The following DMD variants were observed in gnomAD, a reference collection of about 807,000 sequenced individuals.
DMD encodes the protein dystrophin.
A neutral mutation model predicts 330.1 loss-of-function variants in DMD; 63 were observed. That is an observed-to-expected ratio of 0.19 (90% confidence interval 0.16 to 0.24). The LOEUF (loss-of-function observed/expected upper bound fraction) is 0.24. Among genes scored for constraint, DMD ranks in the 10% least tolerant of loss-of-function variants. DMD has a pLI of 1.00. For missense variants in DMD, 3,344 were observed against 2,684.1 expected (o/e 1.25, Z -5.43); for synonymous variants, 1,223 against 959.8 (o/e 1.27, Z -5.07).
intron 44 of DMD, among the ~76,000 whole-genome samples, chrX:32,215,410 T>A (rs1215978405): frequency 1.8e-5 from 2 of 111,142 alleles, no homozygotes; most frequent in Non-Finnish European, 3.8e-5. Flanking sequence ...ACAAATTGCT[T>A]CATCGTAAAA....
chrX:31,811,913 A>G (rs994859041), intron 50 of DMD, among the ~76,000 whole-genome samples: 5 of 111,665 alleles, frequency 4.5e-5, no homozygotes, highest in African/African-American at 1.6e-4. Context: ...TCAGGACCCA[A>G]GAGAGGAATA....
chrX:31,420,240 C>T (rs770984905), intron 60 of DMD, among the ~76,000 whole-genome samples: 5 of 112,288 alleles, frequency 4.5e-5, no homozygotes, highest in Non-Finnish European at 9.4e-5. Flanking sequence ...AGTTAGGAAC[C>T]GTCCCTTGAC....
At chrX:32,165,693 G>A (rs1411584585) in intron 44 of DMD, among the ~76,000 whole-genome samples, 9 of 111,398 alleles carry the variant, frequency 8.1e-5, no homozygotes, top group African/African-American at 2.9e-4. Context: ...ATTTGGGAGG[G>A]GCCAGGAGCA....
At chrX:31,688,454 C>A (rs373976936) in intron 52 of DMD, among the ~76,000 whole-genome samples, 2 of 111,574 alleles carry the variant, frequency 1.8e-5, no homozygotes, top group African/African-American at 6.5e-5. Flanking sequence ...CAATAACAGG[C>A]TCTGAAATTG....
chrX:33,190,885 TA>T (rs1485737150), intron 1 of DMD, among the ~76,000 whole-genome samples: 10,236 of 12,841 alleles, frequency 0.8, 3,862 homozygotes, highest in East Asian at 0.92. Flanking sequence ...ATATAATATA[TA>T]ATATTATATA....
At chrX:32,683,895 A>G (rs1231915304) in intron 9 of DMD, among the ~76,000 whole-genome samples, 1 of 110,136 alleles carries the variant, frequency 9.1e-6, no homozygotes, top group Middle Eastern at 4.6e-3. Flanking sequence ...ATAATGACTT[A>G]TTTGTTTAAA....
chrX:33,002,308 G>T (rs1165634122), intron 2 of DMD, among the ~76,000 whole-genome samples: 1 of 111,347 alleles, frequency 9.0e-6, no homozygotes, highest in East Asian at 2.8e-4. Context: ...AGGAAGGAAT[G>T]AAGGGATTTA....
chrX:32,179,369 A>G (rs867861607), intron 44 of DMD, among the ~76,000 whole-genome samples: 3 of 111,878 alleles, frequency 2.7e-5, no homozygotes, highest in Non-Finnish European at 5.6e-5. Context: ...AAACTGTCAC[A>G]TGAATCAAAG....
chrX:33,276,341 G>A (rs1478287331), intron 1 of DMD, among the ~76,000 whole-genome samples: 3 of 110,854 alleles, frequency 2.7e-5, no homozygotes, highest in Admixed American at 1.9e-4. Context: ...TTAATTCTGT[G>A]ATCAGGTCCT....
intron 42 of DMD, among the ~76,000 whole-genome samples, chrX:32,305,273 A>T (rs112846885): frequency 9.0e-6 from 1 of 111,456 alleles, no homozygotes; most frequent in African/African-American, 3.3e-5. Flanking sequence ...CAGATTCCAG[A>T]GGAGAAAGAT....
intron 17 of DMD, among the ~76,000 whole-genome samples, chrX:32,519,669 A>T (rs2046232944): frequency 1.8e-5 from 2 of 111,995 alleles, no homozygotes; most frequent in Middle Eastern, 4.6e-3. Flanking sequence ...ACTTCTAGGA[A>T]TTTTTTCACA....
At chrX:32,745,373 C>G (rs1056277771) in intron 7 of DMD, among the ~76,000 whole-genome samples, 1 of 112,158 alleles carries the variant, frequency 8.9e-6, no homozygotes, top group Non-Finnish European at 1.9e-5. Context: ...TCACAGAACT[C>G]AGGAAATCCC....
chrX:32,279,987 T>TATATATATATGTACCCTAC (rs1569555711), intron 43 of DMD, among the ~76,000 whole-genome samples: 58 of 95,006 alleles, frequency 6.1e-4, no homozygotes, highest in Non-Finnish European at 1.1e-3. Flanking sequence ...GTACCCCACA[T>TATATATATATGTACCCTAC]ATATATATAT....
At chrX:32,837,849 G>A (rs892474513) in intron 4 of DMD, among the ~76,000 whole-genome samples, 2 of 111,938 alleles carry the variant, frequency 1.8e-5, no homozygotes, top group African/African-American at 3.2e-5. Flanking sequence ...ACAGACATAC[G>A]ATTTTCTGAA....
rs150494202 is a variant in DMD, at chrX:31,465,339, C to A, written c.8937+12767G>T. Among the ~76,000 whole-genome samples the A allele has an allele frequency of 1.1e-3, 119 of 110,803 alleles. 1 individual carries two copies. The highest frequency in any genetic ancestry group is 3.7e-3 in the African/African-American group (112 of 30,445). On this transcript the variant is annotated intron_variant, in intron 59 of 78. Coordinates refer to ENST00000357033, the MANE Select transcript of DMD (RefSeq NM_004006.3). Reference sequence around the variant, plus strand: ...TCATCTACATTAGGTATTTCTCTTACTGCTATCCCTCCCCTAACCTCCCAC... The same window carrying A: ...TCATCTACATTAGGTATTTCTCTTAATGCTATCCCTCCCCTAACCTCCCAC...
At chrX:31,292,971 G>A (rs2053819885) in intron 62 of DMD, among the ~76,000 whole-genome samples, 1 of 110,970 alleles carries the variant, frequency 9.0e-6, no homozygotes, top group Admixed American at 9.6e-5. Flanking sequence ...TTGGGAGAGG[G>A]AATGTGGGTG....
chrX:32,127,912 T>C (rs766003324), intron 44 of DMD, among the ~76,000 whole-genome samples: 44 of 112,260 alleles, frequency 3.9e-4, no homozygotes, highest in African/African-American at 1.3e-3. Context: ...GATTGGACCA[T>C]AAATGCAAAG....
chrX:32,402,886 GCTAT>G (rs1029987760), intron 30 of DMD, among the ~76,000 whole-genome samples: 1 of 111,401 alleles, frequency 9.0e-6, no homozygotes, highest in Admixed American at 9.6e-5. Flanking sequence ...TTTCTTTGGT[GCTAT>G]CTAATGAGTG....
chrX:31,165,830 T>C (rs975646908), intron 74 of DMD, among the ~76,000 whole-genome samples: 1 of 111,640 alleles, frequency 9.0e-6, no homozygotes, highest in African/African-American at 3.3e-5. Context: ...TCCAAACTTA[T>C]GGGAGGCACT....
Sources: allele counts gnomAD v4.1 joint callset (sites outside exome capture counted in the v4.1 genomes callset), GRCh38; gene constraint gnomAD v4.1.1; transcripts MANE v1.5; gene names NCBI Gene and HGNC (gene_info 2026-07-23, HGNC 2026-07-21).